The following PTPRK variants were observed in gnomAD, a reference collection of about 807,000 sequenced individuals.
PTPRK encodes protein tyrosine phosphatase receptor type K, also known as receptor-type tyrosine-protein phosphatase kappa.
PTPRK carries 75 observed loss-of-function variants against 178.0 expected under a neutral mutation model. The observed-to-expected ratio is 0.42, with a 90% CI of 0.35 to 0.51. The LOEUF is 0.51. Among genes scored for constraint, PTPRK ranks in the 20% least tolerant of loss-of-function variants. The probability of loss-of-function intolerance (pLI) is 0.02; values close to 1 mark genes in which losing one functional copy is unlikely to be tolerated. For synonymous variants in PTPRK, 637 were observed against 620.6 expected (o/e 1.03, Z -0.39); for missense variants, 1,441 against 1,797.8 (o/e 0.80, Z 3.59).
Position 127,983,266 on chromosome 6 carries a change from C to T in PTPRK, c.3363G>A (p.Arg1121=). The change falls in exon 23 of 30, where the codon CGG becomes CGA. Residue 1121 remains arginine, a synonymous_variant. Coordinates refer to ENST00000368226, the MANE Select transcript of PTPRK (RefSeq NM_002844.4). Reference sequence around the variant, plus strand: ...CCTCTGTCTGGACCATATTAATACGCCGAGATCTTAAGGCTTTGACACAAT... The same window carrying T: ...CCTCTGTCTGGACCATATTAATACGTCGAGATCTTAAGGCTTTGACACAAT... ...IYNCVKALRS[R]RINMVQTEEQ... 1.2e-6 allele frequency: 2 copies of T among 1,612,738 alleles called. No homozygotes were observed. The highest frequency in any genetic ancestry group is 2.2e-5 in the East Asian group (1 of 44,734).
At chr6:128,287,972 AC>A (rs1822779324) in intron 3 of PTPRK, among the ~76,000 whole-genome samples, 2 of 151,948 alleles carry the variant, frequency 1.3e-5, no homozygotes, top group Admixed American at 1.3e-4. Flanking sequence ...TCTACTCCCT[AC>A]CTACTTTCTA....
chr6:128,115,135 T>C (rs1248211168), intron 7 of PTPRK, among the ~76,000 whole-genome samples: 1 of 152,120 alleles, frequency 6.6e-6, no homozygotes, highest in Non-Finnish European at 1.5e-5. Context: ...AACTTCCAGC[T>C]ACTGGACTGC....
At chr6:128,118,837 A>G (rs1791988548) in intron 7 of PTPRK, among the ~76,000 whole-genome samples, 1 of 152,150 alleles carries the variant, frequency 6.6e-6, no homozygotes, top group African/African-American at 2.4e-5. Context: ...ATCCTTGGTC[A>G]TTCACTTTCC....
chr6:128,385,527 C>G (rs1838580526), intron 2 of PTPRK, among the ~76,000 whole-genome samples: 1 of 152,124 alleles, frequency 6.6e-6, no homozygotes, highest in African/African-American at 2.4e-5. Flanking sequence ...TTAATACAGT[C>G]ATGTCCATAT....
chr6:128,252,893 C>T (rs1816699816), intron 3 of PTPRK, among the ~76,000 whole-genome samples: 1 of 152,308 alleles, frequency 6.6e-6, no homozygotes, highest in East Asian at 1.9e-4. Flanking sequence ...TTCTGTGCTA[C>T]AAAAACAGTA....
At chr6:128,045,376 T>A (rs985475507) in intron 13 of PTPRK, among the ~76,000 whole-genome samples, 4 of 151,928 alleles carry the variant, frequency 2.6e-5, no homozygotes, top group Admixed American at 6.6e-5. Flanking sequence ...GGTTAAAAAA[T>A]CAACTACTTT....
At chr6:128,448,650 T>C (rs1046397834) in intron 1 of PTPRK, among the ~76,000 whole-genome samples, 2 of 152,178 alleles carry the variant, frequency 1.3e-5, no homozygotes, top group Non-Finnish European at 2.9e-5. Context: ...TTCTAATCTG[T>C]TTGGGATGAG....
intron 1 of PTPRK, among the ~76,000 whole-genome samples, chr6:128,430,940 CTTT>C (rs577140756): frequency 2.9e-5 from 4 of 136,970 alleles, no homozygotes; most frequent in Non-Finnish European, 1.6e-5. Flanking sequence ...TAATTTTTTT[CTTT>C]TTTTTTTTTT....
At chr6:128,208,609 G>A (rs775492054) in intron 6 of PTPRK, among the ~76,000 whole-genome samples, 3 of 152,008 alleles carry the variant, frequency 2.0e-5, no homozygotes, top group Non-Finnish European at 4.4e-5. Flanking sequence ...ATATTTAACT[G>A]CCTGGTTTCT....
chr6:127,989,573 A>G (rs1776364599), intron 21 of PTPRK, among the ~76,000 whole-genome samples: 1 of 152,034 alleles, frequency 6.6e-6, no homozygotes, highest in South Asian at 2.1e-4. Flanking sequence ...TTAACTTCTC[A>G]AAGGACATAA....
chr6:127,982,213 A>G (rs1349136629), intron 24 of PTPRK, among the ~76,000 whole-genome samples: 1 of 152,192 alleles, frequency 6.6e-6, no homozygotes, highest in Non-Finnish European at 1.5e-5. Context: ...GACTGCATGA[A>G]AAAAAGGCTA....
chr6:128,018,870 T>A (rs970579767), intron 13 of PTPRK, among the ~76,000 whole-genome samples: 2 of 152,150 alleles, frequency 1.3e-5, no homozygotes, highest in Admixed American at 6.6e-5. Flanking sequence ...ATTTAGTACG[T>A]ATTTGTTGAA....
intron 2 of PTPRK, among the ~76,000 whole-genome samples, chr6:128,324,231 T>G (rs1829238270): frequency 6.6e-6 from 1 of 152,108 alleles, no homozygotes; most frequent in East Asian, 1.9e-4. Context: ...TAAATTATTT[T>G]TAGAGGTCTG....
At chr6:128,466,929 AAAG>A (rs1174498251) in intron 1 of PTPRK, among the ~76,000 whole-genome samples, 1 of 152,196 alleles carries the variant, frequency 6.6e-6, no homozygotes, top group South Asian at 2.1e-4. Context: ...AAAAATAACA[AAAG>A]AAGCTTTTAC....
chr6:128,508,694 C>T (rs899274349), intron 1 of PTPRK, among the ~76,000 whole-genome samples: 44 of 151,828 alleles, frequency 2.9e-4, no homozygotes, highest in Non-Finnish European at 5.3e-4. Flanking sequence ...CCTGTAATCC[C>T]GCACTTTGGG....
chr6:128,458,309 C>T (rs939972455), intron 1 of PTPRK, among the ~76,000 whole-genome samples: 14 of 152,238 alleles, frequency 9.2e-5, no homozygotes, highest in Admixed American at 1.3e-4. Flanking sequence ...ACAGGGATTG[C>T]TTATTCTTAA....
chr6:128,421,185 A>G (rs1027969827), intron 1 of PTPRK, among the ~76,000 whole-genome samples: 5 of 152,248 alleles, frequency 3.3e-5, no homozygotes, highest in Non-Finnish European at 5.9e-5. Context: ...ACTGGTAAAG[A>G]AATGTATTAG....
chr6:128,446,876 A>C lies in PTPRK; in HGVS notation c.101-49188T>G, dbSNP rs148320634. Among the ~76,000 whole-genome samples the C allele has an allele frequency of 8.7e-3, 1,319 of 152,304 alleles. 4 individuals carry two copies. Among genetic ancestry groups the C allele is most frequent in the Non-Finnish European group, 0.014 (929 of 68,020 alleles). Reference sequence around the variant, plus strand: ...AATCTTGTGTTTTTTACCCCTCAGAATATCTAAAGCTTAAATAAGACAAAG... The same window carrying C: ...AATCTTGTGTTTTTTACCCCTCAGACTATCTAAAGCTTAAATAAGACAAAG... On this transcript the variant is annotated intron_variant, in intron 1 of 29. Coordinates refer to ENST00000368226, the MANE Select transcript of PTPRK (RefSeq NM_002844.4).
intron 3 of PTPRK, among the ~76,000 whole-genome samples, chr6:128,255,984 T>C (rs185304122): frequency 3.6e-4 from 55 of 152,364 alleles, no homozygotes; most frequent in African/African-American, 1.2e-3. Flanking sequence ...AATATAAGCC[T>C]GTATAAAATA....
Sources: gnomAD v4.1 joint callset for allele counts (sites outside exome capture counted in the v4.1 genomes callset) on GRCh38, gnomAD v4.1.1 for gene constraint, MANE v1.5 for transcripts, NCBI Gene and HGNC (gene_info 2026-07-23, HGNC 2026-07-21) for gene names.